The following ABHD18 variants were observed in gnomAD, a reference collection of about 807,000 sequenced individuals.
ABHD18 encodes the protein abhydrolase domain containing 18, also known as cardiolipin-specific deacylase, mitochondrial.
In ABHD18, 55 loss-of-function variants were observed where a neutral mutation model predicts 65.9. The observed-to-expected ratio is 0.84, with a 90% CI of 0.67 to 1.05. ABHD18 has a LOEUF of 1.05. Among genes scored for constraint, ABHD18 ranks in the 50% least tolerant of loss-of-function variants. The pLI, the probability that ABHD18 is intolerant of heterozygous loss-of-function variation, is 0.00. For missense variants in ABHD18, 533 were observed against 558.5 expected, an observed-to-expected ratio of 0.95 and a Z score of 0.46; for synonymous variants, 181 against 180.2, an observed-to-expected ratio of 1.00 and a Z score of -0.04.
intron 4 of ABHD18, among the ~76,000 whole-genome samples, chr4:127,991,071 C>T (rs1314573643): frequency 6.6e-6 from 1 of 152,152 alleles, no homozygotes; most frequent in African/African-American, 2.4e-5. Context: ...GCCATGTCGG[C>T]CAGGCTGTTC....
At chr4:127,988,211 T>A (rs983264208) in intron 3 of ABHD18, among the ~76,000 whole-genome samples, 5 of 152,084 alleles carry the variant, frequency 3.3e-5, no homozygotes, top group South Asian at 2.1e-4. Flanking sequence ...ACAAAAAAAA[T>A]TTTTGGTTTT....
intron 4 of ABHD18, chr4:128,001,743 C>T: frequency 1.3e-6 from 2 of 1,548,424 alleles, no homozygotes; most frequent in Middle Eastern, 3.3e-4. Flanking sequence ...TTGATACCAA[C>T]TTGATTCTTC....
chr4:127,985,964 A>C (rs1749872021), intron 3 of ABHD18, among the ~76,000 whole-genome samples: 1 of 152,130 alleles, frequency 6.6e-6, no homozygotes, highest in Admixed American at 6.6e-5. Context: ...GCAGTGAACC[A>C]AGATCGCGCC....
intron 3 of ABHD18, 95 bp downstream of exon 3, chr4:127,984,518 A>G (rs911995436): frequency 1.6e-6 from 1 of 631,604 alleles, no homozygotes; most frequent in Non-Finnish European, 2.7e-6. Context: ...AACAATAAAC[A>G]CTAAAATATG....
chr4:128,031,839 A>T (rs1317623225), intron 12 of ABHD18, among the ~76,000 whole-genome samples: 1 of 152,230 alleles, frequency 6.6e-6, no homozygotes, highest in Non-Finnish European at 1.5e-5. Context: ...GTATTCATGC[A>T]GCATTTGAGT....
At chr4:127,988,934 A>G (rs573680574) in intron 3 of ABHD18, among the ~76,000 whole-genome samples, 5 of 152,240 alleles carry the variant, frequency 3.3e-5, no homozygotes, top group African/African-American at 4.8e-5. Context: ...GTATATATGA[A>G]AAAGAAAGGA....
intron 4 of ABHD18, among the ~76,000 whole-genome samples, chr4:127,995,140 A>T (rs1751534563): frequency 6.6e-6 from 1 of 152,218 alleles, no homozygotes; most frequent in African/African-American, 2.4e-5. Context: ...TCAGCCTCCC[A>T]AAATGCTGGG....
chr4:128,019,738 C>G (rs1756155006), intron 8 of ABHD18, among the ~76,000 whole-genome samples: 1 of 152,198 alleles, frequency 6.6e-6, no homozygotes, highest in Non-Finnish European at 1.5e-5. Context: ...TGATTTTGCT[C>G]TATCTGGCAA....
chr4:127,982,192 A>G (rs1749178533), intron 1 of ABHD18, among the ~76,000 whole-genome samples: 2 of 152,238 alleles, frequency 1.3e-5, no homozygotes, highest in Admixed American at 6.5e-5. Flanking sequence ...CAATTGAAAA[A>G]GGAAATGCAG....
intron 3 of ABHD18, among the ~76,000 whole-genome samples, chr4:127,985,201 G>A (rs914415274): frequency 6.6e-6 from 1 of 151,914 alleles, no homozygotes; most frequent in Non-Finnish European, 1.5e-5. Context: ...TATAAAATTA[G>A]AGAAGGCAAG....
At chr4:127,986,237 A>G (rs1428561561) in intron 3 of ABHD18, among the ~76,000 whole-genome samples, 1 of 152,174 alleles carries the variant, frequency 6.6e-6, no homozygotes, top group Non-Finnish European at 1.5e-5. Context: ...GGATTCACCT[A>G]ATGTGGACAT....
chr4:127,986,439 A>G (rs1749971193), intron 3 of ABHD18, among the ~76,000 whole-genome samples: 1 of 152,210 alleles, frequency 6.6e-6, no homozygotes, highest in South Asian at 2.1e-4. Context: ...TGTATTGTAT[A>G]CCACAGTTTG....
chr4:128,019,184 C>G lies in ABHD18; in HGVS notation c.610-896C>G, dbSNP rs1424263973. On this transcript the variant is annotated intron_variant, in intron 8 of 12. Transcript: ENST00000645843. ...ACTGGTCTCCTACCTCAGTTCTCCC[C>G]TTCTCTATTCAATCCTGTAAACTAC... 2.0e-5 allele frequency among the ~76,000 whole-genome samples: 3 copies of G among 152,080 alleles called. No individual in the cohort carries two copies. The East Asian group carries it at 5.8e-4, about 29-fold the overall frequency.
intron 4 of ABHD18, among the ~76,000 whole-genome samples, chr4:127,994,728 T>G (rs1372578405): frequency 1.3e-5 from 2 of 152,244 alleles, no homozygotes; most frequent in African/African-American, 4.8e-5. Flanking sequence ...ATTTATCTTC[T>G]GGTAAAATAT....
At chr4:127,978,175 C>T (rs1748325286) in intron 1 of ABHD18, among the ~76,000 whole-genome samples, 1 of 152,006 alleles carries the variant, frequency 6.6e-6, no homozygotes, top group Non-Finnish European at 1.5e-5. Context: ...GATTTTAGAA[C>T]TTAATCCAAG....
At chr4:127,994,615 G>A (rs1751450449) in intron 4 of ABHD18, among the ~76,000 whole-genome samples, 1 of 151,970 alleles carries the variant, frequency 6.6e-6, no homozygotes, top group African/African-American at 2.4e-5. Flanking sequence ...CAAACAAAAT[G>A]TCCATTTGAG....
intron 10 of ABHD18, among the ~76,000 whole-genome samples, chr4:128,025,653 G>T (rs1190239602): frequency 1.3e-5 from 2 of 152,146 alleles, no homozygotes; most frequent in African/African-American, 4.8e-5. Flanking sequence ...AAATATGATT[G>T]CTGAGTCAAG....
chr4:128,028,529 G>A lies in ABHD18; in HGVS notation c.856G>A (p.Asp286Asn). The part of the protein sequence containing the change: ...EFVKHFTSSA[D>N]KLTNLNLVSR... ...TGTGAAACACTTCACTAGCAGTGCA[G>A]ACAAGCTAACTAACCTTAATCTGGT... The change falls in exon 11 of 13, where the codon GAC becomes AAC. Residue 286 changes from aspartate (D) to asparagine (N), a missense_variant. Coordinates refer to ENST00000645843, the MANE Select transcript of ABHD18 (RefSeq NM_001358451.3). 1.2e-6 allele frequency: 2 copies of A among 1,608,318 alleles called. No homozygotes were observed. The highest frequency in any genetic ancestry group is 1.7e-6 in the Non-Finnish European group (2 of 1,177,178).
At chr4:127,988,330 A>G (rs948974242) in intron 3 of ABHD18, among the ~76,000 whole-genome samples, 4 of 152,158 alleles carry the variant, frequency 2.6e-5, no homozygotes. Flanking sequence ...TCCTGGACTC[A>G]GGTGATCCTC....
Sources: allele counts gnomAD v4.1 joint callset (sites outside exome capture counted in the v4.1 genomes callset), GRCh38; gene constraint gnomAD v4.1.1; transcripts MANE v1.5; gene names NCBI Gene and HGNC (gene_info 2026-07-23, HGNC 2026-07-21).